CTNND2: variants seen among roughly 807,000 people sequenced by gnomAD.
CTNND2 encodes the protein catenin delta-2.
In CTNND2, 22 loss-of-function variants were observed where a neutral mutation model predicts 144.4. The ratio of observed to expected loss-of-function variants is 0.15; its 90% CI spans 0.11 to 0.22. CTNND2 has a LOEUF of 0.22. CTNND2 is among the 10% of genes least tolerant of loss of function. The pLI, the probability that CTNND2 is intolerant of heterozygous loss-of-function variation, is 1.00. For synonymous variants in CTNND2, 751 were observed against 695.6 expected, an observed-to-expected ratio of 1.08 and a Z score of -1.25; for missense variants, 1,353 against 1,618.8, an observed-to-expected ratio of 0.84 and a Z score of 2.82.
chr5:11,779,597 G>C (rs919276816), intron 1 of CTNND2, among the ~76,000 whole-genome samples: 1 of 152,204 alleles, frequency 6.6e-6, no homozygotes, highest in Non-Finnish European at 1.5e-5. Flanking sequence ...AAGTCACTTC[G>C]ATGGAGATCA....
At chr5:11,395,362 C>T (rs185682631) in intron 6 of CTNND2, among the ~76,000 whole-genome samples, 1 of 152,330 alleles carries the variant, frequency 6.6e-6, no homozygotes, top group East Asian at 1.9e-4. Flanking sequence ...ACAATGGTTT[C>T]CCTTCTGTTA....
chr5:11,544,050 A>T (rs1483357060), intron 3 of CTNND2, among the ~76,000 whole-genome samples: 18 of 152,228 alleles, frequency 1.2e-4, no homozygotes, highest in Non-Finnish European at 2.9e-5. Context: ...AGTGAAGGAC[A>T]CTGAAGATTG....
chr5:11,089,395 G>A lies in CTNND2; in HGVS notation c.2638-6549C>T, dbSNP rs139961778. Among the ~76,000 whole-genome samples the A allele has an allele frequency of 4.5e-4, 68 of 152,330 alleles. 1 individual carries two copies. The East Asian group carries it at 0.012, about 27-fold the overall frequency. ...AAAACAACCTCATGGATGGCCCTGT[G>A]CCGGCACATACTGCTATAGCAGCAT... On this transcript the variant is annotated intron_variant, in intron 15 of 21. Transcript: ENST00000304623.
intron 3 of CTNND2, among the ~76,000 whole-genome samples, chr5:11,481,785 G>GA (rs912209685): frequency 5.2e-4 from 78 of 151,222 alleles, no homozygotes; most frequent in South Asian, 1.0e-3. Context: ...ACTGGGTTGG[G>GA]AAAAAAAAAT....
chr5:11,774,244 T>G (rs1790113323), intron 1 of CTNND2, among the ~76,000 whole-genome samples: 1 of 152,106 alleles, frequency 6.6e-6, no homozygotes, highest in Non-Finnish European at 1.5e-5. Flanking sequence ...TTACTGAGAA[T>G]GATGATTTCC....
In CTNND2 at chr5:10,973,433, G is replaced by C; in HGVS notation, c.*20C>G. The C allele has an allele frequency of 6.5e-7, 1 of 1,548,426 alleles. No individual in the cohort carries two copies. The highest frequency in any genetic ancestry group is 8.7e-7 in the Non-Finnish European group (1 of 1,148,652). On this transcript the variant is annotated 3_prime_UTR_variant, in exon 22 of 22. Coordinates refer to ENST00000304623, the MANE Select transcript of CTNND2 (RefSeq NM_001332.4). This position sits in a 1 kb window ranked among gnomAD's most constrained non-coding sequence, Gnocchi z 5.6. Reference sequence around the variant, plus strand: ...TATGCATGCACATGCACTGTTCCCGGAGCGCCTGTGCCCTGCTCCTCACAC... The same window carrying C: ...TATGCATGCACATGCACTGTTCCCGCAGCGCCTGTGCCCTGCTCCTCACAC...
chr5:11,140,711 G>A (rs2149734081), intron 12 of CTNND2, among the ~76,000 whole-genome samples: 1 of 152,146 alleles, frequency 6.6e-6, no homozygotes, highest in South Asian at 2.1e-4. Flanking sequence ...GAAGGATCTG[G>A]GAAAACACAG....
intron 5 of CTNND2, among the ~76,000 whole-genome samples, chr5:11,406,359 A>G (rs1761105292): frequency 1.3e-5 from 2 of 152,122 alleles, no homozygotes; most frequent in South Asian, 2.1e-4. Flanking sequence ...CTATAATAGA[A>G]AGCAAAACAA....
chr5:11,167,007 G>A (rs1051812511), intron 11 of CTNND2, among the ~76,000 whole-genome samples: 1 of 152,216 alleles, frequency 6.6e-6, no homozygotes, highest in South Asian at 2.1e-4. Flanking sequence ...CCCAGGGGTT[G>A]GTTGGCCACA....
chr5:11,460,963 T>A (rs1400000630), intron 3 of CTNND2, among the ~76,000 whole-genome samples: 1 of 151,638 alleles, frequency 6.6e-6, no homozygotes, highest in Admixed American at 6.6e-5. Context: ...GCAAGAGAAG[T>A]GCTTTAACTC....
At chr5:11,183,896 G>C (rs988154713) in intron 11 of CTNND2, among the ~76,000 whole-genome samples, 1 of 152,010 alleles carries the variant, frequency 6.6e-6, no homozygotes, top group South Asian at 2.1e-4. Context: ...ACTCGCTCAT[G>C]CTGTCTCTCT....
Position 11,570,054 on chromosome 5 carries a change from A to T in CTNND2, c.175-4998T>A, listed in dbSNP as rs77457206. On this transcript the variant is annotated intron_variant, in intron 2 of 21. Transcript: ENST00000304623. ...TGCACAGTTTCATTTCCATTCACAT[A>T]CAACATTTTGTTTTCCCTAAGTTAA... is the stretch of plus-strand genomic sequence containing the variant. Among the ~76,000 whole-genome samples, 98 of 152,306 alleles carry T rather than the reference A, an allele frequency of 6.4e-4. 3 individuals carry two copies. In the East Asian group the frequency reaches 0.017, roughly 26 times the overall value.
In CTNND2 at chr5:11,873,155, G is replaced by A. The variant is rs891328433; in HGVS notation, c.37+30662C>T. On this transcript the variant is annotated intron_variant, in intron 1 of 21. Transcript: ENST00000304623. ...AAAACTAACATTTGTTGGAGACACA[G>A]GGATTCAATAGTGTTATGCTTATCT... Among the ~76,000 whole-genome samples the A allele has an allele frequency of 1.1e-4, 16 of 152,276 alleles. No individual in the cohort carries two copies. In the South Asian group the frequency reaches 1.7e-3, roughly 16 times the overall value.
At chr5:11,485,529 C>G (rs1177289378) in intron 3 of CTNND2, among the ~76,000 whole-genome samples, 1 of 152,044 alleles carries the variant, frequency 6.6e-6, no homozygotes, top group Non-Finnish European at 1.5e-5. Context: ...AAAATATACT[C>G]TAAAATAAAT....
At chr5:11,760,450 AC>A (rs1789193566) in intron 1 of CTNND2, among the ~76,000 whole-genome samples, 1 of 152,228 alleles carries the variant, frequency 6.6e-6, no homozygotes, top group Non-Finnish European at 1.5e-5. Flanking sequence ...CATATGTAAG[AC>A]AATGAGACAT....
intron 2 of CTNND2, among the ~76,000 whole-genome samples, chr5:11,576,984 T>G (rs1778021388): frequency 6.6e-6 from 1 of 152,194 alleles, no homozygotes; most frequent in Non-Finnish European, 1.5e-5. Flanking sequence ...ATACCCACAG[T>G]GTCGGAGTTT....
At chr5:11,327,228 G>A (rs185783193) in intron 9 of CTNND2, among the ~76,000 whole-genome samples, 16 of 152,268 alleles carry the variant, frequency 1.1e-4, no homozygotes, top group African/African-American at 3.6e-4. Flanking sequence ...TCAAGCAAGG[G>A]AAAGAATAAA....
intron 11 of CTNND2, among the ~76,000 whole-genome samples, chr5:11,173,046 A>C (rs1760092872): frequency 6.6e-6 from 1 of 152,206 alleles, no homozygotes; most frequent in East Asian, 1.9e-4. Flanking sequence ...AAGGCATTTA[A>C]TTTTCAGCTT....
intron 1 of CTNND2, among the ~76,000 whole-genome samples, chr5:11,808,720 T>C (rs1048253722): frequency 6.6e-6 from 1 of 152,206 alleles, no homozygotes; most frequent in Non-Finnish European, 1.5e-5. Context: ...GAGACAGCAA[T>C]GCAAACCAAA....
Sources: gnomAD v4.1 joint callset for allele counts (sites outside exome capture counted in the v4.1 genomes callset) on GRCh38, gnomAD v4.1.1 for gene constraint, Gnocchi (gnomAD v3.1) non-coding constraint, MANE v1.5 for transcripts, NCBI Gene and HGNC (gene_info 2026-07-23, HGNC 2026-07-21) for gene names.